Variants in JPH2 observed in about 807,000 individuals in gnomAD.
The protein encoded by JPH2 is junctophilin 2.
In JPH2, 38 loss-of-function variants were observed where a neutral mutation model predicts 55.9. That is an observed-to-expected ratio of 0.68 (90% CI 0.52 to 0.89). JPH2 has a LOEUF of 0.89. Among genes scored for constraint, JPH2 ranks in the 40% least tolerant of loss-of-function variants. JPH2 has a pLI of 0.00. For synonymous variants in JPH2, 480 were observed against 472.4 expected (o/e 1.02, Z -0.21); for missense variants, 964 against 1,037.6 (o/e 0.93, Z 0.97).
chr20:44,184,757 C>T (rs2072817870), intron 1 of JPH2, among the ~76,000 whole-genome samples: 1 of 152,204 alleles, frequency 6.6e-6, no homozygotes, highest in African/African-American at 2.4e-5. Context: ...TGTCTTCACT[C>T]TTCTCTCTGC....
chr20:44,140,930 G>A (rs543055901), intron 2 of JPH2, among the ~76,000 whole-genome samples: 1 of 152,280 alleles, frequency 6.6e-6, no homozygotes, highest in South Asian at 2.1e-4. Flanking sequence ...AAAGTGACAT[G>A]CCCAAGGAAC....
Position 44,149,430 on chromosome 20 carries a change from T to A in JPH2, c.1169+10188A>T, listed in dbSNP as rs1240178930. ...AGCACACATATATGATTTCTCCGCC[T>A]GCATAATATTTGTCGTGTGTGTGTA... On this transcript the variant is annotated intron_variant, in intron 2 of 5. Transcript: ENST00000372980. 2.6e-5 allele frequency among the ~76,000 whole-genome samples: 4 copies of A among 152,368 alleles called. No individual in the cohort carries two copies. In the East Asian group the frequency reaches 7.7e-4, roughly 29 times the overall value.
rs1183745879 is a variant in JPH2 at position 44,159,930 on chromosome 20, G to A, written c.857C>T (p.Thr286Ile). 1 of 1,606,246 alleles carries A rather than the reference G, an allele frequency of 6.2e-7. No homozygotes were observed. The highest frequency in any genetic ancestry group is 2.2e-5 in the East Asian group (1 of 44,594). The stretch of plus-strand genomic sequence containing the variant: ...CTCGCCCATGTAGGTCTCGGTGGTG[G>A]TGGCGTCGATATCGGCCTCGAAGGG... ...AAPFEADIDA[T>I]TTETYMGEWK... Residue 286 changes from threonine (T) to isoleucine (I), a missense_variant, in exon 2 of 6, where the codon ACC becomes ATC. Transcript: ENST00000372980. This position sits in a 1 kb window ranked among gnomAD's most constrained non-coding sequence, Gnocchi z 5.7.
chr20:44,186,709 A>C lies in JPH2; in HGVS notation c.-4T>G. 1.3e-6 allele frequency: 2 copies of C among 1,587,798 alleles called. No homozygotes were observed. Among genetic ancestry groups the C allele is most frequent in the Non-Finnish European group, 1.7e-6 (2 of 1,176,978 alleles). On this transcript the variant is annotated 5_prime_UTR_variant, in exon 1 of 6. It removes an upstream start codon present in the reference 5' UTR. Transcript: ENST00000372980. Reference sequence around the variant, plus strand: ...AGTCGAAGCGGCCCCCACTCATCTCATCATAGCCCCTGACAACCTCCCCGT... The same window carrying C: ...AGTCGAAGCGGCCCCCACTCATCTCCTCATAGCCCCTGACAACCTCCCCGT...
chr20:44,120,009 C>A (rs1477022019), intron 2 of JPH2, among the ~76,000 whole-genome samples: 1 of 152,082 alleles, frequency 6.6e-6, no homozygotes, highest in Non-Finnish European at 1.5e-5. Context: ...AATCCATGCT[C>A]CAGAGCCCCC....
At chr20:44,154,729 G>C (rs1327824371) in intron 2 of JPH2, among the ~76,000 whole-genome samples, 1 of 152,220 alleles carries the variant, frequency 6.6e-6, no homozygotes, top group Non-Finnish European at 1.5e-5. Flanking sequence ...AATTACTCAT[G>C]AAGCCCCAGG....
intron 2 of JPH2, among the ~76,000 whole-genome samples, chr20:44,149,963 G>GAA (rs67234498): frequency 1.6e-3 from 18 of 11,446 alleles, no homozygotes; most frequent in African/African-American, 6.6e-3. Context: ...GGCGACAGAG[G>GAA]AAAAAAAAAA....
intron 1 of JPH2, chr20:44,176,785 C>T (rs956629412): frequency 6.0e-6 from 5 of 834,084 alleles, no homozygotes; most frequent in African/African-American, 1.9e-5. Flanking sequence ...CAGAGCAAGA[C>T]CCTGTTAAAA....
chr20:44,180,436 A>C (rs577954446), intron 1 of JPH2, among the ~76,000 whole-genome samples: 4 of 151,834 alleles, frequency 2.6e-5, no homozygotes, highest in African/African-American at 4.8e-5. Flanking sequence ...GGCTCAAGCG[A>C]TCCTCCCACC....
chr20:44,180,502 T>G (rs1030925390), intron 1 of JPH2, among the ~76,000 whole-genome samples: 1 of 152,116 alleles, frequency 6.6e-6, no homozygotes, highest in African/African-American at 2.4e-5. Flanking sequence ...CAGCTAATTT[T>G]TGTATTTTTC....
At chr20:44,127,352 C>A (rs186856815) in intron 2 of JPH2, among the ~76,000 whole-genome samples, 3 of 152,192 alleles carry the variant, frequency 2.0e-5, no homozygotes, top group Admixed American at 2.0e-4. Flanking sequence ...CCTGTGGTAA[C>A]TCTATGTTTA....
chr20:44,159,949 C>T lies in JPH2; in HGVS notation c.838G>A (p.Glu280Lys), dbSNP rs748282723. The T allele has an allele frequency of 5.6e-5, 90 of 1,606,576 alleles. 1 individual carries two copies. In the South Asian group the frequency reaches 8.4e-4, roughly 15 times the overall value. The change falls in exon 2 of 6, where the codon GAG becomes AAG. Residue 280 changes from glutamate to lysine, a missense_variant. By Grantham distance (56) the Glu-to-Lys change is moderately conservative (BLOSUM62 1). Transcript: ENST00000372980. This position sits in a 1 kb window ranked among gnomAD's most constrained non-coding sequence, Gnocchi z 5.7. ...AEGADEAAPFEADIDATTTET... is the reference protein window; with the variant it reads ...AEGADEAAPFKADIDATTTET... Reference sequence around the variant, plus strand: ...GTGGTGGTGGCGTCGATATCGGCCTCGAAGGGTGCGGCCTCGTCGGCGCCC... The same window carrying T: ...GTGGTGGTGGCGTCGATATCGGCCTTGAAGGGTGCGGCCTCGTCGGCGCCC...
At chr20:44,150,603 G>A (rs954659864) in intron 2 of JPH2, among the ~76,000 whole-genome samples, 2 of 152,174 alleles carry the variant, frequency 1.3e-5, no homozygotes, top group Non-Finnish European at 2.9e-5. Context: ...CAAAATTAGA[G>A]GACTCACATT....
Position 44,160,036 on chromosome 20 carries a change from T to C in JPH2, c.751A>G (p.Ser251Gly). ...SQRSRVSFLK[S>G]DLSSGASDAA... The stretch of plus-strand genomic sequence containing the variant: ...TCGCTGGCGCCCGAGCTGAGGTCGC[T>C]CTTAAGGAAGCTGACACGGCTGCGC... Residue 251 changes from serine (S) to glycine (G), a missense_variant, in exon 2 of 6, where the codon AGC (serine) becomes GGC (glycine). By Grantham distance (56) the Ser-to-Gly change is moderately conservative. Coordinates refer to ENST00000372980, the MANE Select transcript of JPH2 (RefSeq NM_020433.5). This position sits in a 1 kb window ranked among gnomAD's most constrained non-coding sequence, Gnocchi z 4.9. 6.4e-7 allele frequency: 1 copy of C among 1,558,702 alleles called. No homozygotes were observed. The highest frequency in any genetic ancestry group is 1.7e-4 in the Middle Eastern group (1 of 5,956).
chr20:44,136,867 T>C (rs1002081319), intron 2 of JPH2, among the ~76,000 whole-genome samples: 2 of 152,216 alleles, frequency 1.3e-5, no homozygotes, highest in Non-Finnish European at 2.9e-5. Context: ...AATTGTGGCA[T>C]GTGAAGGGTA....
intron 2 of JPH2, among the ~76,000 whole-genome samples, chr20:44,135,465 C>T (rs2072404083): frequency 6.6e-6 from 1 of 152,150 alleles, no homozygotes; most frequent in South Asian, 2.1e-4. Context: ...GGTTCTTTAT[C>T]TGGTGAACTC....
At chr20:44,168,869 TG>T (rs2072676560) in intron 1 of JPH2, among the ~76,000 whole-genome samples, 2 of 152,214 alleles carry the variant, frequency 1.3e-5, no homozygotes, top group Admixed American at 1.3e-4. Flanking sequence ...GGGAGGTGTT[TG>T]GGTCATGGGG....
chr20:44,114,958 A>G (rs903735928), intron 4 of JPH2, 82 bp from the exon 5 acceptor site: 1 of 1,076,268 alleles, frequency 9.3e-7, no homozygotes, highest in Non-Finnish European at 1.4e-6. Flanking sequence ...GGCTGGACAG[A>G]GCAGGAACTT....
At chr20:44,119,155 A>G (rs915739439) in intron 2 of JPH2, among the ~76,000 whole-genome samples, 1 of 152,252 alleles carries the variant, frequency 6.6e-6, no homozygotes, top group African/African-American at 2.4e-5. Flanking sequence ...TTAAAAGAAC[A>G]CATTTGTAAA....
Sources: gnomAD v4.1 joint callset for allele counts (sites outside exome capture counted in the v4.1 genomes callset) on GRCh38, gnomAD v4.1.1 for gene constraint, Gnocchi (gnomAD v3.1) non-coding constraint, MANE v1.5 for transcripts, NCBI Gene and HGNC (gene_info 2026-07-23, HGNC 2026-07-21) for gene names.